IZUMO2: variants seen among roughly 807,000 people sequenced by gnomAD.
The protein encoded by IZUMO2 is izumo sperm-egg fusion protein 2.
A neutral mutation model predicts 31.2 loss-of-function variants in IZUMO2; 24 were observed. The ratio of observed to expected loss-of-function variants is 0.77; its 90% CI spans 0.56 to 1.08. IZUMO2 has a LOEUF of 1.08. IZUMO2 is among the 50% of genes least tolerant of loss of function. IZUMO2 has a pLI of 0.00. For synonymous variants in IZUMO2, 144 were observed against 117.3 expected, an observed-to-expected ratio of 1.23 and a Z score of -1.47; for missense variants, 278 against 274.0, an observed-to-expected ratio of 1.01 and a Z score of -0.10.
intron 5 of IZUMO2, 106 bp downstream of exon 5, chr19:50,158,162 A>G: frequency 1.6e-6 from 1 of 639,568 alleles, no homozygotes; most frequent in Non-Finnish European, 2.8e-6. Flanking sequence ...TTAGGGCAGG[A>G]TTCGAGGCTG....
intron 6 of IZUMO2, among the ~76,000 whole-genome samples, chr19:50,154,341 G>A (rs1305029478): frequency 1.4e-5 from 2 of 142,610 alleles, no homozygotes; most frequent in Non-Finnish European, 3.0e-5. Context: ...TGAGGACCCG[G>A]GAAAGTTGTA....
chr19:50,154,259 T>C (rs751617785), intron 6 of IZUMO2, among the ~76,000 whole-genome samples: 1 of 144,694 alleles, frequency 6.9e-6, no homozygotes, highest in Non-Finnish European at 1.5e-5. Context: ...AATATAACTT[T>C]TAGCGTTTTT....
At position 50,159,531 on chromosome 19, in the gene IZUMO2, C is replaced by A; in HGVS notation, c.357G>T (p.Lys119Asn). The A allele has an allele frequency of 6.2e-7, 1 of 1,613,284 alleles. No homozygotes were observed. The highest frequency in any genetic ancestry group is 8.5e-7 in the Non-Finnish European group (1 of 1,179,404). Residue 119 changes from lysine (K) to asparagine (N), a missense_variant, in exon 3 of 7, where the codon AAG becomes AAT. Coordinates refer to ENST00000293405, the MANE Select transcript of IZUMO2 (RefSeq NM_152358.3). ...ELVTLRANVI[K>N]EFKKVLISYE... ...ATGAAATTAAAACTTTCTTGAATTC[C>A]TTGATCACATTCGCCCTGAGGGTCA...
intron 2 of IZUMO2, among the ~76,000 whole-genome samples, chr19:50,161,130 T>C (rs1417487968): frequency 2.0e-5 from 3 of 151,338 alleles, no homozygotes; most frequent in Admixed American, 1.3e-4. Flanking sequence ...CTTTTTCTTT[T>C]TTTTTTTTTT....
At chr19:50,155,302 G>A (rs1310190706) in intron 5 of IZUMO2, among the ~76,000 whole-genome samples, 1 of 152,186 alleles carries the variant, frequency 6.6e-6, no homozygotes, top group African/African-American at 2.4e-5. Context: ...GGAGGCTGAG[G>A]TGGGAGGATT....
chr19:50,159,193 G>A (rs2030312428), intron 4 of IZUMO2, 37 bp downstream of exon 4: 6 of 1,602,738 alleles, frequency 3.7e-6, no homozygotes, highest in Non-Finnish European at 1.7e-6. Context: ...GGGGTTAGGA[G>A]GGTAGAGAAG....
chr19:50,155,954 T>A (rs2030200244), intron 5 of IZUMO2, among the ~76,000 whole-genome samples: 1 of 152,184 alleles, frequency 6.6e-6, no homozygotes, highest in South Asian at 2.1e-4. Flanking sequence ...TCATGTTGGA[T>A]CTTTGCATGT....
At chr19:50,154,873 C>T in intron 5 of IZUMO2, 147 bp from the exon 6 acceptor site, 1 of 820,658 alleles carries the variant, frequency 1.2e-6, no homozygotes. Context: ...TCCCTGCCCT[C>T]TCCTGGGGTC....
Position 50,163,207 on chromosome 19 carries a change from GT to G in IZUMO2, c.-14del. 6.5e-7 allele frequency: 1 copy of G among 1,542,750 alleles called. No individual in the cohort carries two copies. Among genetic ancestry groups the G allele is most frequent in the Non-Finnish European group, 8.8e-7 (1 of 1,142,462 alleles). ...AAGCCAGAGGCATGGCGGGGCCTTT[GT>G]GACGTCACAGAGAGAACCCGGCCCG... is the stretch of plus-strand genomic sequence containing the variant. On this transcript the variant is annotated 5_prime_UTR_variant, in exon 1 of 7. Transcript: ENST00000293405.
intron 2 of IZUMO2, among the ~76,000 whole-genome samples, chr19:50,161,693 T>C (rs1414682920): frequency 6.6e-6 from 1 of 152,144 alleles, no homozygotes; most frequent in African/African-American, 2.4e-5. Flanking sequence ...CCCTCTCCCC[T>C]TCAGGTCTTT....
At chr19:50,156,602 G>GA (rs779522510) in intron 5 of IZUMO2, among the ~76,000 whole-genome samples, 292 of 144,996 alleles carry the variant, frequency 2.0e-3, no homozygotes, top group African/African-American at 5.0e-3. Context: ...GTCATGGAGG[G>GA]AAAAAAAAAA....
intron 2 of IZUMO2, 149 bp downstream of exon 2, chr19:50,162,590 G>A (rs2123067402): frequency 3.0e-6 from 2 of 656,450 alleles, no homozygotes; most frequent in East Asian, 5.5e-5. Flanking sequence ...ACTCCAGCCG[G>A]AGCGACAGTG....
Position 50,154,629 on chromosome 19 carries a change from A to G in IZUMO2, c.594T>C (p.Ala198=), listed in dbSNP as rs1486271343. 3.1e-6 allele frequency: 5 copies of G among 1,613,924 alleles called. No individual in the cohort carries two copies. ...CCACGATGACCACGAAGACAAAGACAGCCAGAGACACAGAAATGAGGATGC... is the reference window on the plus strand; with the variant it reads ...CCACGATGACCACGAAGACAAAGACGGCCAGAGACACAGAAATGAGGATGC... ...LLGILISVSL[A]VFVFVVIVVS... Residue 198 remains alanine (A), a synonymous_variant, in exon 6 of 7, where the codon GCT becomes GCC. Coordinates refer to ENST00000293405, the MANE Select transcript of IZUMO2 (RefSeq NM_152358.3).
rs1010326727 is a variant in IZUMO2 at position 50,159,130 on chromosome 19, C to A, written c.415+100G>T. On this transcript the variant is annotated intron_variant, in intron 4 of 6. Transcript: ENST00000293405. ...CCATGGCTTTGGGGTAAGGGAACTG[C>A]CAAATGGAGTAAGGAGTGGTAGCCA... 1.1e-5 allele frequency: 13 copies of A among 1,221,494 alleles called. No individual in the cohort carries two copies. In the South Asian group the frequency reaches 1.5e-4, roughly 14 times the overall value. The allele number at this position is 1,221,494 out of a possible 1,614,324, so 75.7% of individuals were successfully genotyped here.
At chr19:50,154,211 C>G (rs529808595) in intron 6 of IZUMO2, among the ~76,000 whole-genome samples, 87 of 143,792 alleles carry the variant, frequency 6.1e-4, no homozygotes, top group Non-Finnish European at 1.1e-3. Flanking sequence ...ATGAAGCCAA[C>G]TTGGATGATA....
At chr19:50,159,113 T>G in intron 4 of IZUMO2, 117 bp downstream of exon 4, 2 of 970,188 alleles carry the variant, frequency 2.1e-6, no homozygotes, top group Non-Finnish European at 1.6e-6. Flanking sequence ...TACCATGGCT[T>G]TGGGGTAAGG....
chr19:50,158,155 G>T, intron 5 of IZUMO2, 113 bp downstream of exon 5: 1 of 604,268 alleles, frequency 1.7e-6, no homozygotes. Flanking sequence ...CAAATGGTTA[G>T]GGCAGGATTC....
At position 50,163,255 on chromosome 19, in the gene IZUMO2, G is replaced by T; in HGVS notation, c.-61C>A. ...CCCGCCCCGCCTCCCAGGCGAGGGC[G>T]CGGTCAGGAGGCCCAGGGAGCATCA... On this transcript the variant is annotated 5_prime_UTR_variant, in exon 1 of 7. Transcript: ENST00000293405. 1 of 1,282,764 alleles carries T rather than the reference G, an allele frequency of 7.8e-7. No individual in the cohort carries two copies. Among genetic ancestry groups the T allele is most frequent in the Non-Finnish European group, 1.1e-6 (1 of 916,642 alleles). 79.5% of individuals were successfully genotyped at this position (1,282,764 alleles called of 1,614,324 possible).
chr19:50,152,706 A>T, intron 6 of IZUMO2, 55 bp from the exon 7 acceptor site: 2 of 1,448,122 alleles, frequency 1.4e-6, no homozygotes, highest in Middle Eastern at 3.5e-4. Flanking sequence ...GCTTTTCCAG[A>T]TCAAGAGACC....
Sources: gnomAD v4.1 joint callset for allele counts (sites outside exome capture counted in the v4.1 genomes callset) on GRCh38, gnomAD v4.1.1 for gene constraint, MANE v1.5 for transcripts, NCBI Gene and HGNC (gene_info 2026-07-23, HGNC 2026-07-21) for gene names.